The following ADAM7 variants were observed in gnomAD, a reference collection of about 807,000 sequenced individuals.
ADAM7 encodes disintegrin and metalloproteinase domain-containing protein 7.
ADAM7 carries 97 observed loss-of-function variants against 102.9 expected under a neutral mutation model. That is an observed-to-expected ratio of 0.94 (90% CI 0.80 to 1.12). The LOEUF (loss-of-function observed/expected upper bound fraction) is 1.12, where lower values mean the gene tolerates loss of function less well. Ranked by LOEUF, ADAM7 falls within the 50% of genes most tolerant of loss-of-function variation. ADAM7 has a pLI of 0.00. For missense variants in ADAM7, 991 were observed against 908.7 expected (o/e 1.09, Z -1.16); for synonymous variants, 334 against 304.4 (o/e 1.10, Z -1.01).
At chr8:24,474,538 A>G (rs1407953606) in intron 7 of ADAM7, among the ~76,000 whole-genome samples, 1 of 152,102 alleles carries the variant, frequency 6.6e-6, no homozygotes, top group African/African-American at 2.4e-5. Context: ...ACAAATAGTT[A>G]ATGAGCATTC....
chr8:24,468,313 A>G (rs1819496585), intron 6 of ADAM7, among the ~76,000 whole-genome samples: 1 of 151,860 alleles, frequency 6.6e-6, no homozygotes, highest in Admixed American at 6.5e-5. Flanking sequence ...CCTGAATGTT[A>G]AAGTATGTGT....
intron 3 of ADAM7, among the ~76,000 whole-genome samples, chr8:24,457,725 C>A (rs981936778): frequency 1.3e-5 from 2 of 152,178 alleles, no homozygotes; most frequent in Admixed American, 6.5e-5. Context: ...TTATGGTCAT[C>A]ATTTTCTAGG....
chr8:24,506,937 C>T (rs1211128109), intron 20 of ADAM7, among the ~76,000 whole-genome samples: 2 of 152,132 alleles, frequency 1.3e-5, no homozygotes, highest in African/African-American at 4.8e-5. Flanking sequence ...TTTTTAAAAG[C>T]AGCCATTCTC....
At chr8:24,463,166 C>G (rs1431409567) in intron 3 of ADAM7, among the ~76,000 whole-genome samples, 1 of 152,116 alleles carries the variant, frequency 6.6e-6, no homozygotes, top group Non-Finnish European at 1.5e-5. Flanking sequence ...GAAGGGATCT[C>G]AAAATCTGCT....
rs774895612 is a variant in ADAM7, at chr8:24,442,496, G to A, written c.76G>A (p.Gly26Ser). 1.9e-6 allele frequency: 3 copies of A among 1,613,898 alleles called. No individual in the cohort carries two copies. Among genetic ancestry groups the A allele is most frequent in the Non-Finnish European group, 2.5e-6 (3 of 1,179,896 alleles). The change falls in exon 2 of 22, where the codon GGT (glycine) becomes AGT (serine). Residue 26 changes from glycine (G) to serine (S), a missense_variant. Physicochemically the swap from Gly to Ser is moderately conservative, Grantham distance 56. Transcript: ENST00000175238. ...AGAAAAGTTCATCCTTGGAGTAGAG[G>A]GTCAACAACTGGTTCGTCCTAAAAA... ...VKEKFILGVE[G>S]QQLVRPKKLP...
At chr8:24,449,427 G>A (rs1006382741) in intron 3 of ADAM7, among the ~76,000 whole-genome samples, 1 of 152,138 alleles carries the variant, frequency 6.6e-6, no homozygotes, top group African/African-American at 2.4e-5. Context: ...TTTTTCATGT[G>A]TTTTTTGGCT....
chr8:24,456,260 A>G (rs552575298), intron 3 of ADAM7, among the ~76,000 whole-genome samples: 4 of 152,330 alleles, frequency 2.6e-5, no homozygotes, highest in African/African-American at 9.6e-5. Context: ...TTCATTTGGC[A>G]TAATGTTCTC....
intron 8 of ADAM7, among the ~76,000 whole-genome samples, chr8:24,478,793 T>G (rs1207464714): frequency 6.6e-6 from 1 of 152,224 alleles, no homozygotes; most frequent in Non-Finnish European, 1.5e-5. Flanking sequence ...CTTTTGTATG[T>G]TCTTTAATGT....
At chr8:24,451,008 T>A (rs1160195930) in intron 3 of ADAM7, among the ~76,000 whole-genome samples, 4 of 151,896 alleles carry the variant, frequency 2.6e-5, no homozygotes, top group Non-Finnish European at 5.9e-5. Flanking sequence ...GCCCACTTGA[T>A]CATGGTGGAT....
At chr8:24,490,026 C>A (rs923612066) in intron 12 of ADAM7, among the ~76,000 whole-genome samples, 3 of 152,136 alleles carry the variant, frequency 2.0e-5, no homozygotes, top group African/African-American at 7.2e-5. Flanking sequence ...ATTCTGTACA[C>A]CTACCTAGCT....
At chr8:24,487,164 T>G in intron 10 of ADAM7, 23 bp from the exon 11 acceptor site, 1 of 1,610,774 alleles carries the variant, frequency 6.2e-7, no homozygotes, top group Non-Finnish European at 8.5e-7. Context: ...TGAAAATTTC[T>G]AATGCAATTG....
At chr8:24,497,307 C>T (rs188254101) in intron 16 of ADAM7, among the ~76,000 whole-genome samples, 2 of 152,182 alleles carry the variant, frequency 1.3e-5, no homozygotes, top group Admixed American at 6.5e-5. Flanking sequence ...AGCATGAAAA[C>T]GAACTAATAC....
At chr8:24,449,931 C>G (rs560580039) in intron 3 of ADAM7, among the ~76,000 whole-genome samples, 2 of 152,236 alleles carry the variant, frequency 1.3e-5, no homozygotes, top group Non-Finnish European at 2.9e-5. Flanking sequence ...GCTTGTTTTT[C>G]TCAGGTTTGT....
chr8:24,473,219 C>A (rs56206537), intron 7 of ADAM7, among the ~76,000 whole-genome samples: 37,449 of 151,994 alleles, frequency 0.25, 5,314 homozygotes, highest in African/African-American at 0.38. Flanking sequence ...GAGGAAAAAA[C>A]CCCACATTTT....
intron 17 of ADAM7, 57 bp downstream of exon 17, chr8:24,499,373 C>T: frequency 7.3e-7 from 1 of 1,375,338 alleles, no homozygotes; most frequent in Non-Finnish European, 1.0e-6. Context: ...TTACTTTATT[C>T]CCCAGCCTAT....
At chr8:24,495,590 C>T (rs539743611) in intron 16 of ADAM7, among the ~76,000 whole-genome samples, 1 of 152,076 alleles carries the variant, frequency 6.6e-6, no homozygotes, top group African/African-American at 2.4e-5. Context: ...AAAAATTATT[C>T]AATCTCAGTT....
intron 17 of ADAM7, among the ~76,000 whole-genome samples, chr8:24,499,693 T>A (rs1820681571): frequency 6.6e-6 from 1 of 152,110 alleles, no homozygotes; most frequent in South Asian, 2.1e-4. Flanking sequence ...AAACATTGTA[T>A]ATTTTTTACA....
At chr8:24,506,106 T>C in intron 20 of ADAM7, 1 of 1,550,118 alleles carries the variant, frequency 6.5e-7, no homozygotes. Context: ...AACTCCAGAA[T>C]CCTTGGAAAG....
intron 14 of ADAM7, 68 bp downstream of exon 14, chr8:24,492,166 G>A: frequency 6.8e-7 from 1 of 1,460,794 alleles, no homozygotes; most frequent in Non-Finnish European, 9.3e-7. Context: ...TTGCCCTGTA[G>A]GAATTGGGTC....
Sources: gnomAD v4.1 joint callset for allele counts (sites outside exome capture counted in the v4.1 genomes callset) on GRCh38, gnomAD v4.1.1 for gene constraint, MANE v1.5 for transcripts, NCBI Gene and HGNC (gene_info 2026-07-23, HGNC 2026-07-21) for gene names.